The following RYR1 variants were observed in gnomAD, a reference collection of about 807,000 sequenced individuals.
The protein encoded by RYR1 is central core disease of muscle.
Under a neutral mutation model 583.5 loss-of-function variants are expected in RYR1, and 342 were observed. The observed-to-expected ratio is 0.59, with a 90% CI of 0.54 to 0.64. RYR1 has a LOEUF of 0.64. RYR1 is among the 30% of genes least tolerant of loss of function. The pLI, the probability that RYR1 is intolerant of heterozygous loss-of-function variation, is 0.00. For missense variants in RYR1, 6,032 were observed against 6,917.2 expected (o/e 0.87, Z 4.54); for synonymous variants, 2,791 against 2,822.5 (o/e 0.99, Z 0.35).
At chr19:38,539,492 C>T (rs4802588) in intron 84 of RYR1, among the ~76,000 whole-genome samples, 3,458 of 152,094 alleles carry the variant, frequency 0.023, 95 homozygotes, top group Admixed American at 0.073. Context: ...CCTGCCTTGG[C>T]CTCCTAAAAT....
At chr19:38,472,615 C>T (rs562343746) in intron 27 of RYR1, among the ~76,000 whole-genome samples, 7 of 151,964 alleles carry the variant, frequency 4.6e-5, no homozygotes, top group Admixed American at 6.5e-5. Flanking sequence ...TGGTGGCTCA[C>T]GCCTGTAATC....
Position 38,548,362 on chromosome 19 carries a change from C to G in RYR1, c.12224C>G (p.Ala4075Gly). The G allele has an allele frequency of 6.2e-7, 1 of 1,614,200 alleles. No homozygotes were observed. Among genetic ancestry groups the G allele is most frequent in the Non-Finnish European group, 8.5e-7 (1 of 1,180,038 alleles). Residue 4075 changes from alanine (A) to glycine (G), a missense_variant, in exon 89 of 106, where the codon GCC becomes GGC. By Grantham distance (60) the Ala-to-Gly change is moderately conservative. Coordinates refer to ENST00000359596, the MANE Select transcript of RYR1 (RefSeq NM_000540.3). ...LKLKDIVGSEAFQDYVTDPRG... is the reference protein window; with the variant it reads ...LKLKDIVGSEGFQDYVTDPRG... Reference sequence around the variant, plus strand: ...CTCAAGGACATTGTGGGCTCTGAAGCCTTCCAGGACTACGTAACGGATCCC... The same window carrying G: ...CTCAAGGACATTGTGGGCTCTGAAGGCTTCCAGGACTACGTAACGGATCCC...
intron 19 of RYR1, among the ~76,000 whole-genome samples, chr19:38,460,039 TCTCCCCAAC>T (rs767235715): frequency 6.6e-6 from 1 of 152,046 alleles, no homozygotes; most frequent in Non-Finnish European, 1.5e-5. Flanking sequence ...TTCTTATTGG[TCTCCCCAAC>T]CTTCCAATGA....
At chr19:38,472,835 TAAAAAAAAAAAAA>T (rs34985897) in intron 27 of RYR1, among the ~76,000 whole-genome samples, 3 of 107,298 alleles carry the variant, frequency 2.8e-5, no homozygotes, top group East Asian at 2.7e-4. Context: ...GACTCTTGTC[TAAAAAAAAAAAAA>T]AAAAAAAAAG....
chr19:38,476,699 T>A (rs1968750091), intron 29 of RYR1, among the ~76,000 whole-genome samples: 1 of 152,088 alleles, frequency 6.6e-6, no homozygotes, highest in East Asian at 1.9e-4. Context: ...CAGCCTGGGG[T>A]TGGGGATCCC....
rs756173443 is a variant in RYR1, at chr19:38,496,565, C to T, written c.6796+24C>T. ...GGGTGAGAACCCCCGAGCCCAGGGG[C>T]TGTCCCCCAGAACCCACTCCTGGCA... On this transcript the variant is annotated intron_variant, in intron 41 of 105. Coordinates refer to ENST00000359596, the MANE Select transcript of RYR1 (RefSeq NM_000540.3). This position sits in a 1 kb window ranked among gnomAD's most constrained non-coding sequence, Gnocchi z 4.8. 2 of 1,612,818 alleles carry T rather than the reference C, an allele frequency of 1.2e-6. No individual in the cohort carries two copies. Among genetic ancestry groups the T allele is most frequent in the Non-Finnish European group, 1.7e-6 (2 of 1,179,968 alleles).
chr19:38,586,168 G>A lies in RYR1; in HGVS notation c.14946G>A (p.Glu4982=). 1 of 1,614,042 alleles carries A rather than the reference G, an allele frequency of 6.2e-7. No individual in the cohort carries two copies. ...ATGGCTTCGAGACTCACACGCTGGA[G>A]GAGCACAACCTGGCCAATTACATGT... ...TPHGFETHTL[E]EHNLANYMFF... The change falls in exon 104 of 106, where the codon GAG becomes GAA. Residue 4982 remains glutamate (E), a synonymous_variant. Transcript: ENST00000359596.
chr19:38,463,148 C>CCG (rs1967867904), intron 20 of RYR1, among the ~76,000 whole-genome samples: 1 of 65,720 alleles, frequency 1.5e-5, no homozygotes, highest in Non-Finnish European at 4.1e-5. Flanking sequence ...TCTGCCCCCC[C>CCG]CCCCCCCACT....
chr19:38,560,031 G>GGCAATCA (rs1973054729), intron 89 of RYR1, among the ~76,000 whole-genome samples: 1 of 151,992 alleles, frequency 6.6e-6, no homozygotes, highest in African/African-American at 2.4e-5. Context: ...AAAATGCATG[G>GGCAATCA]GCAATCAGCA....
At chr19:38,452,058 G>A (rs1242262354) in intron 12 of RYR1, among the ~76,000 whole-genome samples, 173 bp downstream of exon 12, 1 of 144,944 alleles carries the variant, frequency 6.9e-6, no homozygotes, top group Non-Finnish European at 1.5e-5. Context: ...GGAGGGCAAG[G>A]CATGAGGATC....
chr19:38,452,671 G>A (rs1967137862), intron 12 of RYR1, 148 bp from the exon 13 acceptor site: 2 of 740,772 alleles, frequency 2.7e-6, no homozygotes, highest in Non-Finnish European at 4.4e-6. Flanking sequence ...GTGTGACCTC[G>A]GACAAATGCT....
intron 31 of RYR1, among the ~76,000 whole-genome samples, chr19:38,481,605 C>G (rs1301558174): frequency 1.3e-5 from 2 of 152,130 alleles, no homozygotes; most frequent in East Asian, 1.9e-4. Context: ...AGTGTGGTCC[C>G]TGGACCAACC....
At chr19:38,511,517 C>T (rs1970723426) in intron 60 of RYR1, 44 bp from the exon 61 acceptor site, 6 of 1,608,890 alleles carry the variant, frequency 3.7e-6, no homozygotes. Context: ...TTGGCCTCCT[C>T]ACTCGCTGTT....
At position 38,444,050 on chromosome 19, in the gene RYR1, G is replaced by A. The variant is rs1972822276; in HGVS notation, c.425-99G>A. On this transcript the variant is annotated intron_variant, in intron 5 of 105. Coordinates refer to ENST00000359596, the MANE Select transcript of RYR1 (RefSeq NM_000540.3). The surrounding 1 kb of genome is among the most constrained non-coding windows in gnomAD (Gnocchi z 5.1). ...GGTGGCAGTGATAGGAGAGTTGTGG[G>A]CCAAGGGCCCGGGAGGCCTGGTGGA... The A allele has an allele frequency of 3.7e-6, 4 of 1,067,236 alleles. No individual in the cohort carries two copies. Among genetic ancestry groups the A allele is most frequent in the African/African-American group, 1.6e-5 (1 of 64,292 alleles). The allele number at this position is 1,067,236 out of a possible 1,614,324, so 66.1% of individuals were successfully genotyped here.
chr19:38,500,777 C>T lies in RYR1; in HGVS notation c.7445-44C>T, dbSNP rs1410049597. 1.9e-6 allele frequency: 3 copies of T among 1,613,904 alleles called. No homozygotes were observed. The highest frequency in any genetic ancestry group is 1.6e-4 in the Middle Eastern group (1 of 6,084). The stretch of plus-strand genomic sequence containing the variant: ...AGGAGTGATGCTGGGGAGGGAGCGG[C>T]TGGGTCCGCAGGGCATCCCCGAACC... On this transcript the variant is annotated intron_variant, in intron 46 of 105. Coordinates refer to ENST00000359596, the MANE Select transcript of RYR1 (RefSeq NM_000540.3). The surrounding 1 kb of genome is among the most constrained non-coding windows in gnomAD (Gnocchi z 5.9).
chr19:38,514,588 T>C (rs1159666879), intron 63 of RYR1, among the ~76,000 whole-genome samples: 1 of 152,030 alleles, frequency 6.6e-6, no homozygotes, highest in Non-Finnish European at 1.5e-5. Context: ...CCTAAAAATA[T>C]ATACATTTTA....
chr19:38,472,675 T>C (rs56356303), intron 27 of RYR1, among the ~76,000 whole-genome samples: 32,917 of 150,832 alleles, frequency 0.22, 5,458 homozygotes, highest in African/African-American at 0.46. Flanking sequence ...CTCAGGAGAT[T>C]GAGACCAGCC....
intron 97 of RYR1, 93 bp downstream of exon 97, chr19:38,576,054 C>A: frequency 6.8e-7 from 1 of 1,468,664 alleles, no homozygotes; most frequent in Non-Finnish European, 9.5e-7. Context: ...GGTGTGTGAC[C>A]TTGGGCAAGA....
At chr19:38,582,023 G>A (rs927015693) in intron 101 of RYR1, among the ~76,000 whole-genome samples, 7 of 152,138 alleles carry the variant, frequency 4.6e-5, no homozygotes, top group Non-Finnish European at 7.4e-5. Context: ...TATGCCCTGG[G>A]GGCCTCACCT....
Sources: gnomAD v4.1 joint callset for allele counts (sites outside exome capture counted in the v4.1 genomes callset) on GRCh38, gnomAD v4.1.1 for gene constraint, Gnocchi (gnomAD v3.1) non-coding constraint, MANE v1.5 for transcripts, NCBI Gene and HGNC (gene_info 2026-07-23, HGNC 2026-07-21) for gene names.